Variants in RGS6 observed in about 807,000 individuals in gnomAD.
RGS6 encodes the protein regulator of G-protein signaling 6.
A neutral mutation model predicts 78.5 loss-of-function variants in RGS6; 30 were observed. The observed-to-expected ratio is 0.38, with a 90% CI of 0.29 to 0.52. RGS6 has a LOEUF of 0.52. RGS6 is among the 20% of genes least tolerant of loss of function. The pLI is 0.85. For synonymous variants in RGS6, 206 were observed against 206.0 expected (o/e 1.00, Z 0.00); for missense variants, 495 against 609.7 (o/e 0.81, Z 1.98).
At chr14:71,874,727 C>G in the RGS6 span, among the ~76,000 whole-genome samples, 2 of 152,118 alleles carry the variant, frequency 1.3e-5, no homozygotes, top group African/African-American at 4.8e-5. Context: ...TGCCAGTTTT[C>G]AAAGGGAATG....
At chr14:72,149,622 G>A (rs1223731371) in intron 2 of RGS6, among the ~76,000 whole-genome samples, 1 of 152,074 alleles carries the variant, frequency 6.6e-6, no homozygotes, top group African/African-American at 2.4e-5. Context: ...TTTGAATCTG[G>A]AAACAAATTG....
At chr14:72,589,748 A>C in the RGS6 span, among the ~76,000 whole-genome samples, 1 of 152,188 alleles carries the variant, frequency 6.6e-6, no homozygotes, top group Non-Finnish European at 1.5e-5. Flanking sequence ...ATGTCCAAAA[A>C]AGATAAAACT....
chr14:72,262,661 T>A (rs2058368736), intron 2 of RGS6, among the ~76,000 whole-genome samples: 2 of 152,222 alleles, frequency 1.3e-5, no homozygotes, highest in Non-Finnish European at 2.9e-5. Flanking sequence ...CAAGTTGACA[T>A]TTCTGAAAAA....
intron 2 of RGS6, among the ~76,000 whole-genome samples, chr14:72,192,698 T>C (rs1284353385): frequency 2.6e-5 from 4 of 152,190 alleles, no homozygotes; most frequent in Non-Finnish European, 5.9e-5. Flanking sequence ...TAAAAGGCAA[T>C]AAAATAAATA....
At chr14:72,042,123 CTTTTTCTTT>C (rs1567080693) in intron 2 of RGS6, among the ~76,000 whole-genome samples, 1 of 124,306 alleles carries the variant, frequency 8.0e-6, no homozygotes, top group East Asian at 2.4e-4. Flanking sequence ...TTTTCTTTTT[CTTTTTCTTT>C]TTTTTTTTTT....
chr14:72,384,637 C>T (rs929210766), intron 3 of RGS6, among the ~76,000 whole-genome samples: 2 of 152,162 alleles, frequency 1.3e-5, no homozygotes, highest in South Asian at 2.1e-4. Flanking sequence ...TCCTCTTTTC[C>T]GATCAGTTCC....
At chr14:72,312,565 T>G (rs1457865873) in intron 2 of RGS6, among the ~76,000 whole-genome samples, 1 of 152,222 alleles carries the variant, frequency 6.6e-6, no homozygotes, top group Non-Finnish European at 1.5e-5. Context: ...AATTTCTTTA[T>G]TTGTCAAAGG....
rs149681598 is a variant in RGS6, at chr14:72,022,809, T to C, written c.84+57934T>C. ...TTTGAGATCTTTCATGCCTGGACCG[T>C]ACTTCACCTGTCTTCTGGTTTTGTA... On this transcript the variant is annotated intron_variant, in intron 2 of 17. Coordinates refer to ENST00000553525, the MANE Select transcript of RGS6 (RefSeq NM_001204424.2). Among the ~76,000 whole-genome samples the C allele has an allele frequency of 2.2e-3, 338 of 152,372 alleles. 2 individuals are homozygous for C. Among genetic ancestry groups the C allele is most frequent in the African/African-American group, 7.8e-3 (324 of 41,590 alleles).
the RGS6 span, among the ~76,000 whole-genome samples, chr14:72,614,579 C>T: frequency 2.0e-5 from 3 of 152,006 alleles, no homozygotes; most frequent in African/African-American, 7.3e-5. Flanking sequence ...AGGCATGATC[C>T]AGCCCTCCCT....
At chr14:72,303,803 A>G (rs974253353) in intron 2 of RGS6, among the ~76,000 whole-genome samples, 13 of 150,164 alleles carry the variant, frequency 8.7e-5, no homozygotes, top group Non-Finnish European at 1.4e-4. Flanking sequence ...ACTTTCATCT[A>G]AAAAGTAGCA....
chr14:72,446,799 G>A (rs1003440882), intron 3 of RGS6, among the ~76,000 whole-genome samples: 6 of 152,124 alleles, frequency 3.9e-5, no homozygotes, highest in East Asian at 1.9e-4. Context: ...CATAAGGAGC[G>A]TGCAACCTAC....
chr14:72,261,995 G>T (rs989346792), intron 2 of RGS6, among the ~76,000 whole-genome samples: 1 of 151,492 alleles, frequency 6.6e-6, no homozygotes, highest in Non-Finnish European at 1.5e-5. Context: ...TGTAATTCAT[G>T]ATTTATATAA....
chr14:72,319,977 A>G lies in RGS6; in HGVS notation c.85-32118A>G, dbSNP rs924173979. Among the ~76,000 whole-genome samples the G allele has an allele frequency of 7.2e-5, 11 of 152,338 alleles. No homozygotes were observed. In the Middle Eastern group the frequency reaches 0.01, roughly 141 times the overall value. On this transcript the variant is annotated intron_variant, in intron 2 of 17. Transcript: ENST00000553525. The stretch of plus-strand genomic sequence containing the variant: ...GTTACAGAAAATTTGCTAAAGAACA[A>G]TCAATACTACTCTGTATTATAGATG...
intron 15 of RGS6, among the ~76,000 whole-genome samples, chr14:72,529,697 C>G (rs941590440): frequency 2.0e-5 from 3 of 152,168 alleles, no homozygotes; most frequent in African/African-American, 7.2e-5. Context: ...ATTTCTGTCT[C>G]TCTACACAGA....
chr14:72,471,844 C>T (rs1163987747), intron 8 of RGS6, among the ~76,000 whole-genome samples: 12 of 152,212 alleles, frequency 7.9e-5, no homozygotes, highest in East Asian at 3.8e-4. Flanking sequence ...TGCCTGTGTA[C>T]TCAGAAGCCA....
the RGS6 span, among the ~76,000 whole-genome samples, chr14:72,581,242 T>A: frequency 6.6e-6 from 1 of 152,224 alleles, no homozygotes; most frequent in African/African-American, 2.4e-5. Context: ...TGTTTCTACC[T>A]GCTGCTGCTT....
At chr14:71,878,362 A>C in the RGS6 span, among the ~76,000 whole-genome samples, 1 of 151,976 alleles carries the variant, frequency 6.6e-6, no homozygotes, top group South Asian at 2.1e-4. Flanking sequence ...TTGTTTACCC[A>C]CTCAAGCCTC....
the RGS6 span, among the ~76,000 whole-genome samples, chr14:71,873,861 G>T: frequency 6.6e-6 from 1 of 152,102 alleles, no homozygotes; most frequent in East Asian, 1.9e-4. Context: ...TCTACATATG[G>T]CTAGCCAGTT....
intron 2 of RGS6, among the ~76,000 whole-genome samples, chr14:72,336,512 TGAGA>T (rs35115421): frequency 7.4e-4 from 110 of 149,524 alleles, no homozygotes; most frequent in Non-Finnish European, 8.6e-4. Flanking sequence ...TGTCATCTCC[TGAGA>T]GAGAGAGAGA....
Sources: gnomAD v4.1 joint callset for allele counts (sites outside exome capture counted in the v4.1 genomes callset) on GRCh38, gnomAD v4.1.1 for gene constraint, MANE v1.5 for transcripts, NCBI Gene and HGNC (gene_info 2026-07-23, HGNC 2026-07-21) for gene names.